Variants in ALKBH5 observed in about 807,000 individuals in gnomAD.
ALKBH5 encodes alkB homolog 5, RNA demethylase, also known as RNA demethylase ALKBH5.
A neutral mutation model predicts 32.1 loss-of-function variants in ALKBH5; 2 were observed. The observed-to-expected ratio is 0.06, with a 90% confidence interval of 0.03 to 0.20. The LOEUF is 0.20. Ranked by LOEUF, ALKBH5 falls within the 10% of genes least tolerant of loss-of-function variation. The pLI, the probability that ALKBH5 is intolerant of heterozygous loss-of-function variation, is 1.00. For missense variants in ALKBH5, 352 were observed against 559.5 expected (o/e 0.63, Z 3.74); for synonymous variants, 300 against 231.7 (o/e 1.29, Z -2.68).
In ALKBH5 at chr17:18,184,387, C is replaced by T. The variant is rs1333353404; in HGVS notation, c.144C>T (p.Ala48=). The part of the protein sequence containing the change: ...VAAAAAAAAA[A]EPYPVSGAKR... Reference sequence around the variant, plus strand: ...CCGCAGCCGCAGCCGCCGCTGCCGCCGAACCTTACCCTGTGTCCGGGGCCA... The same window carrying T: ...CCGCAGCCGCAGCCGCCGCTGCCGCTGAACCTTACCCTGTGTCCGGGGCCA... The change falls in exon 1 of 4, where the codon GCC becomes GCT. Residue 48 remains alanine (A), a synonymous_variant. Transcript: ENST00000399138. 3.3e-6 allele frequency: 5 copies of T among 1,534,416 alleles called. No individual in the cohort carries two copies. The African/African-American group carries it at 4.2e-5, about 13-fold the overall frequency.
chr17:18,206,998 G>T (rs1215982335), intron 3 of ALKBH5, 28 bp downstream of exon 3: 1 of 1,607,722 alleles, frequency 6.2e-7, no homozygotes, highest in South Asian at 1.1e-5. Context: ...CTCAGCAAAG[G>T]CTGGCAAAGG....
chr17:18,204,737 G>A (rs184178758), intron 2 of ALKBH5, among the ~76,000 whole-genome samples: 127 of 151,090 alleles, frequency 8.4e-4, no homozygotes, highest in Non-Finnish European at 1.5e-3. Flanking sequence ...GACAGAAGGA[G>A]CCCCTGTCTC....
chr17:18,185,797 G>T (rs541751376), intron 1 of ALKBH5, among the ~76,000 whole-genome samples: 1 of 152,240 alleles, frequency 6.6e-6, no homozygotes, highest in Non-Finnish European at 1.5e-5. Flanking sequence ...GGCCCCCAGA[G>T]GAGATTGCCA....
intron 1 of ALKBH5, among the ~76,000 whole-genome samples, chr17:18,188,856 C>A (rs2047155799): frequency 6.6e-6 from 1 of 152,148 alleles, no homozygotes; most frequent in African/African-American, 2.4e-5. Flanking sequence ...ATCATGAGGT[C>A]AGGAGTTTGA....
intron 1 of ALKBH5, among the ~76,000 whole-genome samples, chr17:18,188,609 G>C (rs901884961): frequency 1.3e-5 from 2 of 152,258 alleles, no homozygotes; most frequent in Non-Finnish European, 2.9e-5. Context: ...ACAGGATGAA[G>C]TCAGGGCTGT....
intron 2 of ALKBH5, 113 bp from the exon 3 acceptor site, chr17:18,206,702 G>C (rs1181904869): frequency 8.5e-7 from 1 of 1,183,192 alleles, no homozygotes; most frequent in Admixed American, 2.0e-5. Flanking sequence ...AGCAGAGACT[G>C]CTGGCTTCCA....
chr17:18,204,770 A>T (rs2047260195), intron 2 of ALKBH5, among the ~76,000 whole-genome samples: 1 of 151,770 alleles, frequency 6.6e-6, no homozygotes. Flanking sequence ...TAAAAATAAA[A>T]AGCTCATCTG....
rs773453991 is a variant in ALKBH5 at position 18,206,770 on chromosome 17, T to G, written c.852-45T>G. ...GAATTGGTCTGATGGTGCCCACACCTTCACCGGAGGCCCTTTGGTGACCCC... is the reference window on the plus strand; with the variant it reads ...GAATTGGTCTGATGGTGCCCACACCGTCACCGGAGGCCCTTTGGTGACCCC... On this transcript the variant is annotated intron_variant, in intron 2 of 3. Transcript: ENST00000399138. The G allele has an allele frequency of 4.4e-6, 7 of 1,598,768 alleles. No individual in the cohort carries two copies. The Admixed American group carries it at 1.0e-4, about 23-fold the overall frequency.
intron 1 of ALKBH5, among the ~76,000 whole-genome samples, chr17:18,192,625 TTTG>T (rs2047183114): frequency 6.6e-6 from 1 of 152,200 alleles, no homozygotes; most frequent in African/African-American, 2.4e-5. Flanking sequence ...AAAGCTCACA[TTTG>T]AACCCAGGTC....
rs1477173466 is a variant in ALKBH5, at chr17:18,184,319, G to A, written c.76G>A (p.Gly26Ser). The change falls in exon 1 of 4, where the codon GGC becomes AGC. Residue 26 changes from glycine (G) to serine (S), a missense_variant. This residue lies in a region of ALKBH5 where 144 missense variants were observed against 125.8 expected (regional missense o/e 1.14). Coordinates refer to ENST00000399138, the MANE Select transcript of ALKBH5 (RefSeq NM_017758.4). ...GACGTCCCGGGACAACTATAAGGCG[G>A]GCAGCCGGGAGGCCGCCGCCGCTGC... ...SMTSRDNYKA[G>S]SREAAAAAAA... The A allele has an allele frequency of 6.6e-7, 1 of 1,517,016 alleles. No individual in the cohort carries two copies. Among genetic ancestry groups the A allele is most frequent in the East Asian group, 2.6e-5 (1 of 38,762 alleles). 94.0% of individuals were successfully genotyped at this position (1,517,016 alleles called of 1,614,324 possible).
Position 18,184,482 on chromosome 17 carries a change from A to C in ALKBH5, c.239A>C (p.Glu80Ala), listed in dbSNP as rs1301385983. 6.2e-7 allele frequency: 1 copy of C among 1,612,886 alleles called. No homozygotes were observed. Among genetic ancestry groups the C allele is most frequent in the Admixed American group, 1.7e-5 (1 of 59,986 alleles). Residue 80 changes from glutamate to alanine, a missense_variant, in exon 1 of 4, where the codon GAG becomes GCG. Transcript: ENST00000399138. ...GAGGAGCAGCAGCTGCAGAAGGAGG[A>C]GGAGGCGCGCAAGGTGAAGAGCGGC... ...DYEEQQLQKE[E>A]EARKVKSGIR... is the part of the protein sequence containing the mutation.
intron 2 of ALKBH5, 125 bp from the exon 3 acceptor site, chr17:18,206,690 A>T: frequency 1.9e-6 from 2 of 1,028,004 alleles, no homozygotes; most frequent in Non-Finnish European, 2.9e-6. Context: ...AGTGAGGTAC[A>T]GAGCAGAGAC....
intron 1 of ALKBH5, among the ~76,000 whole-genome samples, chr17:18,190,937 G>T (rs763173195): frequency 3.9e-5 from 6 of 152,186 alleles, no homozygotes; most frequent in Non-Finnish European, 8.8e-5. Flanking sequence ...AACATATACT[G>T]GTCAGTGCCT....
At position 18,208,702 on chromosome 17, in the gene ALKBH5, G is replaced by T. The variant is rs948894466; in HGVS notation, c.*306G>T. The T allele has an allele frequency of 2.0e-6, 1 of 497,752 alleles. No individual in the cohort carries two copies. The highest frequency in any genetic ancestry group is 3.7e-6 in the Non-Finnish European group (1 of 272,910). The allele number at this position is 497,752 out of a possible 1,614,324, so 30.8% of individuals were successfully genotyped here. A position where few individuals can be genotyped will look rare whatever the true frequency, so the allele number is the denominator to read the frequency against. ...GGAGCAGAGCAGCCATCTTTTAAGT[G>T]GGGCTGTATCAGGCTGGGTTTATTT... On this transcript the variant is annotated 3_prime_UTR_variant, in exon 4 of 4. Coordinates refer to ENST00000399138, the MANE Select transcript of ALKBH5 (RefSeq NM_017758.4).
At chr17:18,208,084 C>A in intron 3 of ALKBH5, 135 bp from the exon 4 acceptor site, 1 of 912,270 alleles carries the variant, frequency 1.1e-6, no homozygotes, top group African/African-American at 1.7e-5. Flanking sequence ...ATACCAGGGC[C>A]TCTGCCAGGA....
chr17:18,184,035 C>T lies in ALKBH5; in HGVS notation c.-209C>T, dbSNP rs760791927. The T allele has an allele frequency of 6.7e-5, 45 of 675,632 alleles. No individual in the cohort carries two copies. The highest frequency in any genetic ancestry group is 3.7e-5 in the African/African-American group (2 of 53,932). The allele number at this position is 675,632 out of a possible 1,614,324, so 41.9% of individuals were successfully genotyped here. ...GAGAAGGTGGAGGAGGAAGAAGCCC[C>T]GTTGTCGCCACCGTTGCATGACCCG... On this transcript the variant is annotated 5_prime_UTR_variant, in exon 1 of 4. Coordinates refer to ENST00000399138, the MANE Select transcript of ALKBH5 (RefSeq NM_017758.4).
At chr17:18,192,257 T>A (rs1203066994) in intron 1 of ALKBH5, among the ~76,000 whole-genome samples, 1 of 152,162 alleles carries the variant, frequency 6.6e-6, no homozygotes, top group Non-Finnish European at 1.5e-5. Context: ...TTGTAGGGTG[T>A]CAGGCACCCT....
chr17:18,202,428 AC>A (rs2047247571), intron 2 of ALKBH5, among the ~76,000 whole-genome samples: 1 of 152,130 alleles, frequency 6.6e-6, no homozygotes. Context: ...CCAGCAAGGT[AC>A]AGACCTGAGC....
intron 3 of ALKBH5, 82 bp downstream of exon 3, chr17:18,207,052 GT>G (rs964170126): frequency 6.6e-7 from 1 of 1,524,230 alleles, no homozygotes; most frequent in African/African-American, 1.4e-5. Context: ...GGGGTAGGCT[GT>G]TTAGGAGCCT....
Sources: gnomAD v4.1 joint callset for allele counts (sites outside exome capture counted in the v4.1 genomes callset) on GRCh38, gnomAD v4.1.1 for gene constraint, gnomAD v4.1.1 regional missense constraint, MANE v1.5 for transcripts, NCBI Gene and HGNC (gene_info 2026-07-23, HGNC 2026-07-21) for gene names.